The following TMEM14A variants were observed in gnomAD, a reference collection of about 807,000 sequenced individuals.
TMEM14A encodes transmembrane protein 14A.
TMEM14A carries 8 observed loss-of-function variants against 11.6 expected under a neutral mutation model. The ratio of observed to expected loss-of-function variants is 0.69; its 90% CI spans 0.40 to 1.24. The LOEUF is 1.24. TMEM14A is among the 50% of genes most tolerant of loss of function. TMEM14A has a pLI of 0.01. For synonymous variants in TMEM14A, 34 were observed against 45.5 expected, an observed-to-expected ratio of 0.75 and a Z score of 1.02; for missense variants, 108 against 121.9, an observed-to-expected ratio of 0.89 and a Z score of 0.54.
Position 52,681,804 on chromosome 6 carries a change from C to A in TMEM14A, c.71-9C>A. The A allele has an allele frequency of 1.2e-6, 2 of 1,611,036 alleles. No homozygotes were observed. Among genetic ancestry groups the A allele is most frequent in the Non-Finnish European group, 1.7e-6 (2 of 1,178,508 alleles). On this transcript the variant is annotated splice_polypyrimidine_tract_variant and intron_variant, in intron 2 of 4. Transcript: ENST00000211314. ...CTCTTTGTGATCTCATATTTTTTTC[C>A]CCTTCCAGGTGGTGTTCCGTCTTTG...
chr6:52,678,024 G>C (rs1413012418), intron 2 of TMEM14A, among the ~76,000 whole-genome samples: 1 of 151,790 alleles, frequency 6.6e-6, no homozygotes, highest in African/African-American at 2.4e-5. Context: ...TTGGATTTTT[G>C]TTCGTTGTTT....
intron 1 of TMEM14A, among the ~76,000 whole-genome samples, chr6:52,671,860 A>G (rs182832295): frequency 9.7e-4 from 148 of 152,322 alleles, no homozygotes; most frequent in Non-Finnish European, 1.8e-3. Flanking sequence ...TGCTGTGCAC[A>G]TCCTCTCCCA....
rs532569125 is a variant in TMEM14A at position 52,676,338 on chromosome 6, A to G, written c.-16-749A>G. Among the ~76,000 whole-genome samples the G allele has an allele frequency of 2.7e-4, 41 of 152,190 alleles. No homozygotes were observed. In the South Asian group the frequency reaches 6.4e-3, roughly 24 times the overall value. The stretch of plus-strand genomic sequence containing the variant: ...CACAATCACGGCTCATTGCAACCTC[A>G]ACCTCCAGGGCTCAAGCAATCCTCC... On this transcript the variant is annotated intron_variant, in intron 1 of 4. Coordinates refer to ENST00000211314, the MANE Select transcript of TMEM14A (RefSeq NM_014051.4).
At chr6:52,676,810 G>A (rs1210309512) in intron 1 of TMEM14A, among the ~76,000 whole-genome samples, 3 of 152,182 alleles carry the variant, frequency 2.0e-5, no homozygotes, top group Admixed American at 6.5e-5. Flanking sequence ...GGGAGAGCAC[G>A]TGAAGGGGGA....
chr6:52,682,963 C>G (rs1272620704), intron 3 of TMEM14A, among the ~76,000 whole-genome samples: 1 of 152,092 alleles, frequency 6.6e-6, no homozygotes, highest in African/African-American at 2.4e-5. Context: ...AACCAATCAG[C>G]CTTCTTTTTA....
rs1769360469 is a variant in TMEM14A at position 52,680,669 on chromosome 6, G to GTGTGTA, written c.71-1143_71-1142insGTGTAT. Among the ~76,000 whole-genome samples the GTGTGTA allele has an allele frequency of 2.9e-3, 105 of 35,968 alleles. 4 individuals are homozygous for GTGTGTA. The highest frequency in any genetic ancestry group is 0.02 in the South Asian group (16 of 818). 23.6% of individuals were successfully genotyped at this position (35,968 alleles called of 152,430 possible). On this transcript the variant is annotated intron_variant, in intron 2 of 4. Transcript: ENST00000211314. ...TATATATGTGTGTGTATATATATGT[G>GTGTGTA]TATATATATATATACATATATGTAT...
chr6:52,681,792 CAT>C lies in TMEM14A; in HGVS notation c.71-18_71-17del. 1 of 1,601,318 alleles carries C rather than the reference CAT, an allele frequency of 6.2e-7. No homozygotes were observed. Among genetic ancestry groups the C allele is most frequent in the Middle Eastern group, 1.7e-4 (1 of 6,036 alleles). ...CCTTTTGGGATTCTCTTTGTGATCT[CAT>C]ATTTTTTTCCCCTTCCAGGTGGTGT... On this transcript the variant is annotated intron_variant, in intron 2 of 4. Coordinates refer to ENST00000211314, the MANE Select transcript of TMEM14A (RefSeq NM_014051.4).
chr6:52,672,069 C>T (rs1769171821), intron 1 of TMEM14A, among the ~76,000 whole-genome samples: 1 of 152,204 alleles, frequency 6.6e-6, no homozygotes, highest in Non-Finnish European at 1.5e-5. Context: ...AAGGGGCTAC[C>T]TGTTTCCTGG....
intron 2 of TMEM14A, among the ~76,000 whole-genome samples, chr6:52,680,926 G>A (rs1215065799): frequency 1.3e-5 from 2 of 150,770 alleles, no homozygotes; most frequent in Non-Finnish European, 3.0e-5. Context: ...GTTTGTGTGT[G>A]TGTGTGTATT....
At chr6:52,674,021 G>T (rs909117820) in intron 1 of TMEM14A, among the ~76,000 whole-genome samples, 1 of 152,140 alleles carries the variant, frequency 6.6e-6, no homozygotes, top group Non-Finnish European at 1.5e-5. Context: ...GTGCTTTACA[G>T]TATTAAATCA....
intron 1 of TMEM14A, among the ~76,000 whole-genome samples, chr6:52,676,100 G>T (rs939479075): frequency 4.6e-5 from 7 of 152,188 alleles, no homozygotes; most frequent in African/African-American, 1.7e-4. Flanking sequence ...CAGAGCAGAA[G>T]TTTTATTTGG....
Position 52,677,136 on chromosome 6 carries a change from G to A in TMEM14A, c.34G>A (p.Val12Met), listed in dbSNP as rs1441632488. 12 of 1,614,036 alleles carry A rather than the reference G, an allele frequency of 7.4e-6. No homozygotes were observed. Among genetic ancestry groups the A allele is most frequent in the Admixed American group, 3.3e-5 (2 of 60,006 alleles). The change falls in exon 2 of 5, where the codon GTG (valine) becomes ATG (methionine). Residue 12 changes from valine to methionine, a missense_variant. By Grantham distance (21) the Val-to-Met change is conservative (BLOSUM62 1). Transcript: ENST00000211314. ...DLIGFGYAAL[V>M]TFGSIFGYKR... ...GATCGGTTTTGGTTATGCAGCCCTC[G>A]TGACATTTGGAAGCATTTTTGGATA...
At chr6:52,679,681 C>T (rs897435143) in intron 2 of TMEM14A, among the ~76,000 whole-genome samples, 3 of 152,178 alleles carry the variant, frequency 2.0e-5, no homozygotes, top group African/African-American at 4.8e-5. Flanking sequence ...CTTCCACCAG[C>T]GTGGTTTTCT....
intron 2 of TMEM14A, 24 bp downstream of exon 2, chr6:52,677,196 G>T: frequency 6.2e-7 from 1 of 1,613,012 alleles, no homozygotes; most frequent in Admixed American, 1.7e-5. Context: ...AAATTTTCAT[G>T]AAAGGGAATT....
chr6:52,677,215 T>G, intron 2 of TMEM14A, 43 bp downstream of exon 2: 1 of 1,602,592 alleles, frequency 6.2e-7, no homozygotes, highest in Non-Finnish European at 8.5e-7. Flanking sequence ...TTAGTGGGGG[T>G]TTGGAGGTTG....
In TMEM14A at chr6:52,677,140, C is replaced by T; in HGVS notation, c.38C>T (p.Thr13Ile). The T allele has an allele frequency of 1.9e-6, 3 of 1,614,192 alleles. No homozygotes were observed. Among genetic ancestry groups the T allele is most frequent in the Non-Finnish European group, 2.5e-6 (3 of 1,180,042 alleles). ...LIGFGYAALV[T>I]FGSIFGYKRR... The stretch of plus-strand genomic sequence containing the variant: ...GGTTTTGGTTATGCAGCCCTCGTGA[C>T]ATTTGGAAGCATTTTTGGATATAAG... Residue 13 changes from threonine (T) to isoleucine (I), a missense_variant, in exon 2 of 5, where the codon ACA becomes ATA. By Grantham distance (89) the Thr-to-Ile change is moderately conservative. Transcript: ENST00000211314.
intron 1 of TMEM14A, among the ~76,000 whole-genome samples, chr6:52,673,124 G>C (rs1450654075): frequency 6.6e-6 from 1 of 152,136 alleles, no homozygotes; most frequent in Non-Finnish European, 1.5e-5. Context: ...CTCTTCACTT[G>C]ACTTATTCAT....
chr6:52,677,368 G>T (rs1769277541), intron 2 of TMEM14A, among the ~76,000 whole-genome samples, 196 bp downstream of exon 2: 2 of 152,096 alleles, frequency 1.3e-5, no homozygotes, highest in South Asian at 4.1e-4. Context: ...TCCAACCTGG[G>T]GGTTCTGGGC....
chr6:52,676,276 AG>A (rs1245866534), intron 1 of TMEM14A, among the ~76,000 whole-genome samples: 1 of 152,122 alleles, frequency 6.6e-6, no homozygotes, highest in East Asian at 1.9e-4. Context: ...CCCTTGAGAC[AG>A]GGTGTCACTC....
Sources: allele counts gnomAD v4.1 joint callset (sites outside exome capture counted in the v4.1 genomes callset), GRCh38; gene constraint gnomAD v4.1.1; transcripts MANE v1.5; gene names NCBI Gene and HGNC (gene_info 2026-07-23, HGNC 2026-07-21).